The following R3HDM2 variants were observed in gnomAD, a reference collection of about 807,000 sequenced individuals.
R3HDM2 encodes R3H domain-containing protein 2.
R3HDM2 carries 38 observed loss-of-function variants against 124.5 expected under a neutral mutation model. That is an observed-to-expected ratio of 0.31 (90% CI 0.24 to 0.40). R3HDM2 has a LOEUF of 0.40. Ranked by LOEUF, R3HDM2 falls within the 10% of genes least tolerant of loss-of-function variation. The pLI is 1.00. For missense variants in R3HDM2, 869 were observed against 1,236.9 expected, an observed-to-expected ratio of 0.70 and a Z score of 4.46; for synonymous variants, 391 against 448.0, an observed-to-expected ratio of 0.87 and a Z score of 1.61.
chr12:57,348,693 CAAAA>C (rs1168127324), intron 2 of R3HDM2, among the ~76,000 whole-genome samples: 5 of 25,134 alleles, frequency 2.0e-4, no homozygotes, highest in Non-Finnish European at 6.6e-5. Flanking sequence ...GACTCCGTCT[CAAAA>C]AAAAAAAAAA....
At chr12:57,409,520 A>G (rs569326164) in intron 1 of R3HDM2, among the ~76,000 whole-genome samples, 39 of 151,570 alleles carry the variant, frequency 2.6e-4, no homozygotes, top group African/African-American at 5.6e-4. Flanking sequence ...GGCAAAAAAA[A>G]AAAAAGAAAA....
chr12:57,336,919 T>C (rs1341805732), intron 2 of R3HDM2, among the ~76,000 whole-genome samples: 1 of 152,152 alleles, frequency 6.6e-6, no homozygotes, highest in African/African-American at 2.4e-5. Flanking sequence ...ATGCTTTACT[T>C]ATAAGTAGAT....
At chr12:57,417,370 G>A (rs1335119842) in intron 1 of R3HDM2, among the ~76,000 whole-genome samples, 2 of 146,352 alleles carry the variant, frequency 1.4e-5, no homozygotes, top group African/African-American at 5.0e-5. Context: ...GGGCTACGGG[G>A]CAAAATTCCA....
At chr12:57,340,301 C>A (rs777046724) in intron 2 of R3HDM2, among the ~76,000 whole-genome samples, 26 of 152,158 alleles carry the variant, frequency 1.7e-4, no homozygotes, top group African/African-American at 6.3e-4. Flanking sequence ...CTCCCAGCAA[C>A]GATTAATGAG....
chr12:57,334,440 C>G (rs1320861810), intron 2 of R3HDM2, among the ~76,000 whole-genome samples: 2 of 151,538 alleles, frequency 1.3e-5, no homozygotes, highest in Non-Finnish European at 2.9e-5. Context: ...TGGCAACAGG[C>G]TCTATCACTA....
At position 57,255,331 on chromosome 12, in the gene R3HDM2, A is replaced by C. The variant is rs146709284; in HGVS notation, c.2633-218T>G. On this transcript the variant is annotated intron_variant, in intron 23 of 23. Transcript: ENST00000402412. ...ATGAACCTTTCTATTCTCCTAGCCC[A>C]GAGATACAGGAAAGAAGGGACAGGG... Among the ~76,000 whole-genome samples the C allele has an allele frequency of 3.3e-3, 503 of 152,324 alleles. 3 individuals carry two copies. The highest frequency in any genetic ancestry group is 0.011 in the African/African-American group (471 of 41,574).
chr12:57,380,593 C>T (rs997817282), intron 2 of R3HDM2, among the ~76,000 whole-genome samples: 31 of 152,172 alleles, frequency 2.0e-4, no homozygotes, highest in Admixed American at 1.9e-3. Flanking sequence ...GGTCTGATTC[C>T]GAAACTTGTC....
chr12:57,411,029 C>A (rs1471470182), intron 1 of R3HDM2, among the ~76,000 whole-genome samples: 1 of 152,050 alleles, frequency 6.6e-6, no homozygotes, highest in Admixed American at 6.6e-5. Context: ...TACCAGGCAG[C>A]TCATTTATTA....
chr12:57,304,554 A>G, intron 3 of R3HDM2: 1 of 974,026 alleles, frequency 1.0e-6, no homozygotes, highest in Non-Finnish European at 1.2e-6. Context: ...ACAATGCAAA[A>G]TGGAGAACTG....
chr12:57,289,074 T>C, intron 11 of R3HDM2, 34 bp from the exon 12 acceptor site: 2 of 1,522,614 alleles, frequency 1.3e-6, no homozygotes, highest in East Asian at 2.5e-5. Context: ...AAATAACTTA[T>C]AAGAAAACAG....
intron 2 of R3HDM2, among the ~76,000 whole-genome samples, chr12:57,330,694 CTTTTTTT>C (rs10571548): frequency 1.4e-5 from 1 of 70,724 alleles, no homozygotes; most frequent in African/African-American, 5.7e-5. Flanking sequence ...TAGGGCTTTT[CTTTTTTT>C]TTTTTTTTTT....
At chr12:57,360,975 C>G (rs896145027) in intron 2 of R3HDM2, among the ~76,000 whole-genome samples, 1 of 147,560 alleles carries the variant, frequency 6.8e-6, no homozygotes, top group African/African-American at 2.5e-5. Context: ...TGGCTTGAAC[C>G]CAGGAGGCAG....
At chr12:57,380,258 A>T (rs116603604) in intron 2 of R3HDM2, among the ~76,000 whole-genome samples, 1 of 152,322 alleles carries the variant, frequency 6.6e-6, no homozygotes, top group African/African-American at 2.4e-5. Flanking sequence ...TTGTTTTTCA[A>T]ATTTCCTTAA....
intron 21 of R3HDM2, 47 bp downstream of exon 21, chr12:57,257,943 T>C (rs772969500): frequency 7.0e-7 from 1 of 1,419,550 alleles, no homozygotes; most frequent in East Asian, 2.4e-5. Flanking sequence ...GGGAATGGGA[T>C]GTGAAAGGTG....
chr12:57,288,897 CT>C, intron 12 of R3HDM2, 111 bp downstream of exon 12: 3 of 1,551,502 alleles, frequency 1.9e-6, no homozygotes, highest in Non-Finnish European at 2.6e-6. Context: ...GAAGAAAAGG[CT>C]TCTTTGGAGA....
At chr12:57,364,705 A>G (rs2062387523) in intron 2 of R3HDM2, among the ~76,000 whole-genome samples, 1 of 151,978 alleles carries the variant, frequency 6.6e-6, no homozygotes, top group South Asian at 2.1e-4. Context: ...CTGTAATCCC[A>G]GCACTTTGGG....
At chr12:57,317,166 C>T (rs1471426269) in intron 2 of R3HDM2, among the ~76,000 whole-genome samples, 1 of 151,370 alleles carries the variant, frequency 6.6e-6, no homozygotes, top group Non-Finnish European at 1.5e-5. Context: ...AAAGGTGTGA[C>T]CACCTTGCCC....
At chr12:57,392,189 A>AC (rs1292355465) in intron 2 of R3HDM2, among the ~76,000 whole-genome samples, 1 of 152,192 alleles carries the variant, frequency 6.6e-6, no homozygotes, top group East Asian at 1.9e-4. Flanking sequence ...GGCTTCATGA[A>AC]CCACCACACC....
intron 2 of R3HDM2, among the ~76,000 whole-genome samples, chr12:57,356,249 T>G (rs2061278886): frequency 6.6e-6 from 1 of 152,224 alleles, no homozygotes; most frequent in Non-Finnish European, 1.5e-5. Flanking sequence ...TCTCATTTAT[T>G]CAGAGTTTTT....
Sources: allele counts gnomAD v4.1 joint callset (sites outside exome capture counted in the v4.1 genomes callset), GRCh38; gene constraint gnomAD v4.1.1; transcripts MANE v1.5; gene names NCBI Gene and HGNC (gene_info 2026-07-23, HGNC 2026-07-21).